Variants in PNKD observed in about 807,000 individuals in gnomAD.
PNKD encodes the protein PNKD metallo-beta-lactamase domain containing.
In PNKD, 36 loss-of-function variants were observed where a neutral mutation model predicts 45.3. That is an observed-to-expected ratio of 0.80 (90% CI 0.61 to 1.05). The LOEUF is 1.05. Among genes scored for constraint, PNKD ranks in the 50% least tolerant of loss-of-function variants. PNKD has a pLI of 0.00. For synonymous variants in PNKD, 197 were observed against 210.1 expected (o/e 0.94, Z 0.54); for missense variants, 511 against 506.6 (o/e 1.01, Z -0.08).
At chr2:218,312,121 G>A (rs569188108) in intron 2 of PNKD, among the ~76,000 whole-genome samples, 270 of 152,322 alleles carry the variant, frequency 1.8e-3, no homozygotes, top group Non-Finnish European at 3.4e-3. Context: ...GGTTAACAGC[G>A]TCTCAAAGCA....
chr2:218,338,818 G>C (rs556682420), intron 2 of PNKD, among the ~76,000 whole-genome samples: 1 of 142,096 alleles, frequency 7.0e-6, no homozygotes, highest in Non-Finnish European at 1.5e-5. Context: ...TTTGAGACAG[G>C]GTCTTGTTTT....
At position 218,340,689 on chromosome 2, in the gene PNKD, A is replaced by G. The variant is rs1694645413; in HGVS notation, c.466-39A>G. ...TCTTGCTGCTTCAAGTGCCTCTTGCATCCTGCTCCCCAGTCTCCAAACCTC... is the reference window on the plus strand; with the variant it reads ...TCTTGCTGCTTCAAGTGCCTCTTGCGTCCTGCTCCCCAGTCTCCAAACCTC... On this transcript the variant is annotated intron_variant, in intron 4 of 9. Transcript: ENST00000273077. This position sits in a 1 kb window ranked among gnomAD's most constrained non-coding sequence, Gnocchi z 4.2. 5.2e-6 allele frequency: 8 copies of G among 1,545,152 alleles called. No homozygotes were observed. Among genetic ancestry groups the G allele is most frequent in the Non-Finnish European group, 7.2e-6 (8 of 1,117,542 alleles).
chr2:218,323,193 C>T, intron 2 of PNKD: 2 of 1,387,046 alleles, frequency 1.4e-6, no homozygotes, highest in Non-Finnish European at 1.9e-6. Flanking sequence ...AGGCAGGTTC[C>T]CCGCGGGGGG....
At position 218,345,597 on chromosome 2, in the gene PNKD, ACT is replaced by A. The variant is rs1398724466; in HGVS notation, c.*621_*622del. 1 of 152,546 alleles carries A rather than the reference ACT, an allele frequency of 6.6e-6. No homozygotes were observed. The highest frequency in any genetic ancestry group is 1.9e-4 in the East Asian group (1 of 5,306). The allele number at this position is 152,546 out of a possible 1,614,324, so 9.4% of individuals were successfully genotyped here. A position where few individuals can be genotyped will look rare whatever the true frequency, so the allele number is the denominator to read the frequency against. ...TGAAGGGCTGGAATGCTGGCTGGCCACTCTCTGCCTCAGTGGCCTCCCTACAG... is the reference window on the plus strand; with the variant it reads ...TGAAGGGCTGGAATGCTGGCTGGCCACTCTGCCTCAGTGGCCTCCCTACAG... On this transcript the variant is annotated 3_prime_UTR_variant, in exon 10 of 10. Transcript: ENST00000273077.
chr2:218,278,197 G>T, intron 2 of PNKD: 1 of 615,088 alleles, frequency 1.6e-6, no homozygotes, highest in Non-Finnish European at 2.8e-6. Context: ...ACCTGGATTG[G>T]TTTGCAACTC....
intron 2 of PNKD, chr2:218,280,853 C>T (rs1193529028): frequency 2.8e-5 from 4 of 144,536 alleles, no homozygotes; most frequent in African/African-American, 1.1e-4. Context: ...GTCTTGTTGC[C>T]CAAGCTGGAG....
intron 2 of PNKD, chr2:218,277,070 G>A: frequency 6.2e-7 from 1 of 1,614,202 alleles, no homozygotes; most frequent in Non-Finnish European, 8.5e-7. Context: ...CCAGGACACA[G>A]AAGAGGCCTG....
chr2:218,335,906 A>G (rs1003233107), intron 2 of PNKD, among the ~76,000 whole-genome samples: 4 of 152,078 alleles, frequency 2.6e-5, no homozygotes, highest in Non-Finnish European at 1.5e-5. Flanking sequence ...TCCCACATAC[A>G]CGGTCAATCC....
intron 2 of PNKD, among the ~76,000 whole-genome samples, chr2:218,294,533 A>G (rs1048220456): frequency 2.0e-5 from 3 of 152,178 alleles, no homozygotes; most frequent in Non-Finnish European, 2.9e-5. Context: ...CACTCTGTGC[A>G]ATGGCACAAT....
At chr2:218,336,788 C>CTTTT (rs71064439) in intron 2 of PNKD, among the ~76,000 whole-genome samples, 6 of 29,156 alleles carry the variant, frequency 2.1e-4, no homozygotes, top group Non-Finnish European at 3.3e-4. Context: ...GCCTTCAATT[C>CTTTT]TTTTTTTTTT....
At chr2:218,318,735 A>AC (rs1448075655) in intron 2 of PNKD, among the ~76,000 whole-genome samples, 4 of 152,126 alleles carry the variant, frequency 2.6e-5, no homozygotes, top group Admixed American at 2.6e-4. Flanking sequence ...CATGGGGCTA[A>AC]CATTCCAGTG....
Position 218,344,505 on chromosome 2 carries a change from G to A in PNKD, c.919G>A (p.Glu307Lys), listed in dbSNP as rs139825405. 5.2e-4 allele frequency: 828 copies of A among 1,592,466 alleles called. 1 individual carries two copies. Among genetic ancestry groups the A allele is most frequent in the Non-Finnish European group, 5.4e-4 (629 of 1,169,408 alleles). ...NLGFAGVVEP[E>K]NLARERKMQW... ...GGGCTTTGCAGGTGTGGTGGAGCCC[G>A]AGAACCTGGCCCGGGAGAGGAAGAT... The change falls in exon 9 of 10, where the codon GAG (glutamate) becomes AAG (lysine). Residue 307 changes from glutamate to lysine, a missense_variant. Glu to Lys is a moderately conservative substitution (Grantham distance 56). Coordinates refer to ENST00000273077, the MANE Select transcript of PNKD (RefSeq NM_015488.5).
At chr2:218,335,779 A>G (rs890432434) in intron 2 of PNKD, among the ~76,000 whole-genome samples, 2 of 152,170 alleles carry the variant, frequency 1.3e-5, no homozygotes, top group South Asian at 4.1e-4. Flanking sequence ...CAGTGATTAA[A>G]CTTTACCTAA....
intron 2 of PNKD, among the ~76,000 whole-genome samples, chr2:218,315,024 C>CTT (rs1559521188): frequency 1.7e-3 from 2 of 1,178 alleles, no homozygotes; most frequent in Non-Finnish European, 0.019. Flanking sequence ...TTCTTTCTTT[C>CTT]TTTCTTTCTT....
At chr2:218,313,508 G>T (rs1053590173) in intron 2 of PNKD, among the ~76,000 whole-genome samples, 1 of 152,104 alleles carries the variant, frequency 6.6e-6, no homozygotes, top group East Asian at 1.9e-4. Flanking sequence ...TCAGGATCAC[G>T]TACTGCATTG....
In PNKD at chr2:218,345,269, CCCT is replaced by C. The variant is rs1449406061; in HGVS notation, c.*295_*297del. On this transcript the variant is annotated 3_prime_UTR_variant, in exon 10 of 10. Coordinates refer to ENST00000273077, the MANE Select transcript of PNKD (RefSeq NM_015488.5). ...CCAGACCCTACCAACTGGGAGGGTC[CCCT>C]CCTCCTTCCCTACTCCTGGGACGGC... 8.1e-6 allele frequency: 3 copies of C among 368,640 alleles called. No individual in the cohort carries two copies. Among genetic ancestry groups the C allele is most frequent in the South Asian group, 1.1e-4 (2 of 18,334 alleles). 22.8% of individuals were successfully genotyped at this position (368,640 alleles called of 1,614,324 possible). A position where few individuals can be genotyped will look rare whatever the true frequency, so the allele number is the denominator to read the frequency against.
At chr2:218,275,674 TC>T in intron 2 of PNKD, 1 of 1,571,690 alleles carries the variant, frequency 6.4e-7, no homozygotes, top group Non-Finnish European at 8.6e-7. Context: ...TGTCCAGAGC[TC>T]ATTTTTGGTC....
chr2:218,307,157 A>G (rs921892930), intron 2 of PNKD, among the ~76,000 whole-genome samples: 1 of 152,062 alleles, frequency 6.6e-6, no homozygotes, highest in Non-Finnish European at 1.5e-5. Flanking sequence ...CAAGTTAAAG[A>G]TCCCGTGTGG....
intron 5 of PNKD, 87 bp from the exon 6 acceptor site, chr2:218,341,447 T>C: frequency 1.2e-6 from 1 of 850,542 alleles, no homozygotes; most frequent in South Asian, 1.6e-5. Flanking sequence ...GCCCCAGCAC[T>C]TAAAGGCCTG....
Sources: gnomAD v4.1 joint callset for allele counts (sites outside exome capture counted in the v4.1 genomes callset) on GRCh38, gnomAD v4.1.1 for gene constraint, Gnocchi (gnomAD v3.1) non-coding constraint, MANE v1.5 for transcripts, NCBI Gene and HGNC (gene_info 2026-07-23, HGNC 2026-07-21) for gene names.